FUT8: variants seen among roughly 807,000 people sequenced by gnomAD.
FUT8 encodes alpha-(1,6)-fucosyltransferase.
Under a neutral mutation model 71.3 loss-of-function variants are expected in FUT8, and 29 were observed. The observed-to-expected ratio is 0.41, with a 90% CI of 0.30 to 0.55. The LOEUF is 0.55. Among genes scored for constraint, FUT8 ranks in the 20% least tolerant of loss-of-function variants. The pLI, the probability that FUT8 is intolerant of heterozygous loss-of-function variation, is 0.34. For synonymous variants in FUT8, 254 were observed against 239.3 expected (o/e 1.06, Z -0.57); for missense variants, 544 against 702.1 (o/e 0.77, Z 2.55).
At chr14:65,655,412 C>T (rs929800352) in intron 6 of FUT8, among the ~76,000 whole-genome samples, 2 of 149,234 alleles carry the variant, frequency 1.3e-5, no homozygotes, top group African/African-American at 2.5e-5. Context: ...GGAGGCGGAA[C>T]TTGCAGTGAG....
chr14:65,391,111 A>G, the FUT8 span, among the ~76,000 whole-genome samples: 1 of 152,206 alleles, frequency 6.6e-6, no homozygotes, highest in Non-Finnish European at 1.5e-5. Flanking sequence ...GGGAAAGAAC[A>G]AGACCATTTG....
At chr14:65,567,521 C>T (rs1473241896) in intron 3 of FUT8, among the ~76,000 whole-genome samples, 1 of 151,914 alleles carries the variant, frequency 6.6e-6, no homozygotes, top group Non-Finnish European at 1.5e-5. Flanking sequence ...ACCGTCTTCT[C>T]TATAACTCCT....
At chr14:65,436,628 CAAA>C (rs34862450) in intron 1 of FUT8, among the ~76,000 whole-genome samples, 379 of 129,190 alleles carry the variant, frequency 2.9e-3, no homozygotes, top group African/African-American at 5.0e-3. Context: ...GACTCCCTCT[CAAA>C]AAAAAAAAAA....
intron 7 of FUT8, among the ~76,000 whole-genome samples, chr14:65,698,060 A>G (rs1035898063): frequency 6.6e-6 from 1 of 152,088 alleles, no homozygotes; most frequent in Non-Finnish European, 1.5e-5. Context: ...AACTTCTGTT[A>G]TTATAATGTG....
At chr14:65,464,383 T>C (rs2066011614) in intron 2 of FUT8, among the ~76,000 whole-genome samples, 1 of 152,004 alleles carries the variant, frequency 6.6e-6, no homozygotes, top group African/African-American at 2.4e-5. Context: ...AGCTAGGATG[T>C]CCAGTATGAT....
chr14:65,450,035 CTT>C (rs778981546), intron 1 of FUT8, among the ~76,000 whole-genome samples: 22 of 152,154 alleles, frequency 1.4e-4, no homozygotes, highest in Non-Finnish European at 2.5e-4. Context: ...TTTCCCATGA[CTT>C]TGGGTTCTTC....
chr14:65,390,042 G>T, the FUT8 span, among the ~76,000 whole-genome samples: 1 of 151,434 alleles, frequency 6.6e-6, no homozygotes, highest in Admixed American at 6.6e-5. Context: ...TTGGGAGGCT[G>T]AGGTGGGAGG....
At chr14:65,443,279 G>A (rs2065688827) in intron 1 of FUT8, among the ~76,000 whole-genome samples, 1 of 151,906 alleles carries the variant, frequency 6.6e-6, no homozygotes, top group Non-Finnish European at 1.5e-5. Context: ...GCATGGTGGT[G>A]CTCACCTGTG....
At position 65,489,075 on chromosome 14, in the gene FUT8, T is replaced by G. The variant is rs1455000175; in HGVS notation, c.-228+33357T>G. ...TAGTCAATATTTTAGTATTGTCATG[T>G]AGTATTAAGTATTTTTCCATCAATG... is the stretch of plus-strand genomic sequence containing the variant. On this transcript the variant is annotated intron_variant, in intron 2 of 10. Coordinates refer to ENST00000673929, the MANE Select transcript of FUT8 (RefSeq NM_001371533.1). This position sits in a 1 kb window ranked among gnomAD's most constrained non-coding sequence, Gnocchi z 4.0. 6.6e-6 allele frequency among the ~76,000 whole-genome samples: 1 copy of G among 152,220 alleles called. No individual in the cohort carries two copies. The highest frequency in any genetic ancestry group is 1.5e-5 in the Non-Finnish European group (1 of 68,028).
intron 1 of FUT8, among the ~76,000 whole-genome samples, chr14:65,433,093 A>G (rs1396837494): frequency 6.6e-6 from 1 of 152,080 alleles, no homozygotes; most frequent in Non-Finnish European, 1.5e-5. Flanking sequence ...CACAGAAGAG[A>G]CTATAGTGCA....
chr14:65,593,320 T>C (rs150186571), intron 3 of FUT8, among the ~76,000 whole-genome samples: 3 of 152,298 alleles, frequency 2.0e-5, no homozygotes, highest in African/African-American at 7.2e-5. Flanking sequence ...TAAATGAATA[T>C]TAAAGTTAAG....
chr14:65,571,553 G>A (rs1886480129), intron 3 of FUT8, among the ~76,000 whole-genome samples: 1 of 152,092 alleles, frequency 6.6e-6, no homozygotes, highest in African/African-American at 2.4e-5. Context: ...CACTACACCT[G>A]TTCTATGAAT....
At position 65,509,625 on chromosome 14, in the gene FUT8, G is replaced by C. The variant is rs554278569; in HGVS notation, c.-227-51712G>C. 7.2e-5 allele frequency among the ~76,000 whole-genome samples: 11 copies of C among 151,938 alleles called. No individual in the cohort carries two copies. In the South Asian group the frequency reaches 1.9e-3, roughly 26 times the overall value. On this transcript the variant is annotated intron_variant, in intron 2 of 10. Transcript: ENST00000673929. ...AATATAGTATAGTTTCTGTTACAGA[G>C]ATCTTTCACTTCTTTGGTTAATTCC...
intron 7 of FUT8, among the ~76,000 whole-genome samples, chr14:65,685,342 A>C (rs972610206): frequency 1.3e-5 from 2 of 152,154 alleles, no homozygotes. Context: ...AATGCAGTCA[A>C]CTCTCTAAAT....
intron 2 of FUT8, among the ~76,000 whole-genome samples, chr14:65,497,230 G>A (rs2066573001): frequency 6.6e-6 from 1 of 152,144 alleles, no homozygotes; most frequent in African/African-American, 2.4e-5. Flanking sequence ...ATGTTCCTAA[G>A]ATGAAAGATG....
chr14:65,604,397 A>G (rs1029286940), intron 3 of FUT8, among the ~76,000 whole-genome samples: 4 of 151,976 alleles, frequency 2.6e-5, no homozygotes, highest in Admixed American at 6.6e-5. Flanking sequence ...AATTATATCA[A>G]GTACTCTCTT....
rs1422779514 is a variant in FUT8, at chr14:65,669,103, A to G, written c.598-140A>G. 3.1e-6 allele frequency: 2 copies of G among 638,274 alleles called. No individual in the cohort carries two copies. The highest frequency in any genetic ancestry group is 2.7e-6 in the Non-Finnish European group (1 of 371,632). 39.5% of individuals were successfully genotyped at this position (638,274 alleles called of 1,614,324 possible). A position where few individuals can be genotyped will look rare whatever the true frequency, so the allele number is the denominator to read the frequency against. The stretch of plus-strand genomic sequence containing the variant: ...ACTATGCTGATTACTTGGGGTGTAT[A>G]CCAAACCCCACGACACACAATTTAT... On this transcript the variant is annotated intron_variant, in intron 6 of 10. Transcript: ENST00000673929. This position sits in a 1 kb window ranked among gnomAD's most constrained non-coding sequence, Gnocchi z 4.5.
At chr14:65,614,594 G>C (rs139739016) in intron 3 of FUT8, among the ~76,000 whole-genome samples, 30 of 152,278 alleles carry the variant, frequency 2.0e-4, no homozygotes, top group African/African-American at 6.0e-4. Context: ...ATTTTTGTTT[G>C]TTCGTTCGTT....
chr14:65,423,809 A>G (rs944324448), intron 1 of FUT8, among the ~76,000 whole-genome samples: 2 of 152,218 alleles, frequency 1.3e-5, no homozygotes, highest in African/African-American at 4.8e-5. Context: ...CTTTATAGCA[A>G]TCCTGTACCC....
Sources: allele counts gnomAD v4.1 joint callset (sites outside exome capture counted in the v4.1 genomes callset), GRCh38; gene constraint gnomAD v4.1.1; non-coding constraint Gnocchi (gnomAD v3.1); transcripts MANE v1.5; gene names NCBI Gene and HGNC (gene_info 2026-07-23, HGNC 2026-07-21).